Variants in ARPC4 observed in about 807,000 individuals in gnomAD.
ARPC4 encodes the protein actin-related protein 2/3 complex subunit 4.
ARPC4 carries 3 observed loss-of-function variants against 22.8 expected under a neutral mutation model. The observed-to-expected ratio is 0.13, with a 90% CI of 0.06 to 0.34. The LOEUF (loss-of-function observed/expected upper bound fraction) is 0.34. ARPC4 is among the 10% of genes least tolerant of loss of function. ARPC4 has a pLI of 1.00. For synonymous variants in ARPC4, 80 were observed against 72.5 expected, an observed-to-expected ratio of 1.10 and a Z score of -0.52; for missense variants, 98 against 211.0, an observed-to-expected ratio of 0.46 and a Z score of 3.32.
At chr3:9,793,948 A>C (rs1249596877) in intron 1 of ARPC4, among the ~76,000 whole-genome samples, 1 of 152,080 alleles carries the variant, frequency 6.6e-6, no homozygotes, top group Non-Finnish European at 1.5e-5. Flanking sequence ...TCTTGAAGAG[A>C]CCTTGAAATT....
chr3:9,800,038 A>T, intron 2 of ARPC4, 147 bp from the exon 3 acceptor site: 1 of 764,708 alleles, frequency 1.3e-6, no homozygotes, highest in Non-Finnish European at 2.2e-6. Context: ...GAACACACTC[A>T]CTGGCCCCCA....
intron 5 of ARPC4, among the ~76,000 whole-genome samples, chr3:9,804,453 T>G (rs1319858624): frequency 1.3e-5 from 2 of 152,216 alleles, no homozygotes; most frequent in African/African-American, 2.4e-5. Flanking sequence ...AAATCATGAT[T>G]CCTTCAACCT....
chr3:9,801,962 C>T (rs527451752), intron 4 of ARPC4, among the ~76,000 whole-genome samples: 4 of 152,144 alleles, frequency 2.6e-5, no homozygotes, highest in East Asian at 1.9e-4. Flanking sequence ...AAAAAAGAGC[C>T]GGGCGTGGTG....
intron 1 of ARPC4, among the ~76,000 whole-genome samples, chr3:9,794,727 A>G (rs1222558394): frequency 3.3e-5 from 5 of 152,016 alleles, no homozygotes; most frequent in Admixed American, 6.5e-5. Flanking sequence ...CAACCAAAAT[A>G]CAGAACATTT....
chr3:9,792,632 C>T, upstream of ARPC4: 3 of 1,231,368 alleles, frequency 2.4e-6, no homozygotes, highest in Non-Finnish European at 3.0e-6. Flanking sequence ...GGGCACAGCC[C>T]GGGGCGGGAG....
At chr3:9,801,214 A>G (rs1385604589) in intron 3 of ARPC4, among the ~76,000 whole-genome samples, 326 of 131,236 alleles carry the variant, frequency 2.5e-3, no homozygotes, top group African/African-American at 0.011. Flanking sequence ...CCATCTCAGA[A>G]AAAAAAAAAA....
intron 1 of ARPC4, among the ~76,000 whole-genome samples, chr3:9,793,626 C>T (rs572650283): frequency 5.2e-4 from 79 of 152,326 alleles, no homozygotes; most frequent in African/African-American, 1.8e-3. Flanking sequence ...GAGGATCTCT[C>T]GTGTTGCTTC....
intron 4 of ARPC4, among the ~76,000 whole-genome samples, chr3:9,802,603 C>T (rs531664668): frequency 6.6e-6 from 1 of 151,694 alleles, no homozygotes; most frequent in South Asian, 2.1e-4. Context: ...TCTCGATCTC[C>T]TGACCTCGTG....
intron 1 of ARPC4, among the ~76,000 whole-genome samples, chr3:9,794,766 C>T (rs929118698): frequency 3.3e-5 from 5 of 152,122 alleles, no homozygotes; most frequent in Non-Finnish European, 7.4e-5. Context: ...CCCTCAAGCC[C>T]TTTTGTAATC....
At chr3:9,801,231 A>AAAAAAAAAC (rs2079003797) in intron 3 of ARPC4, among the ~76,000 whole-genome samples, 1 of 148,372 alleles carries the variant, frequency 6.7e-6, no homozygotes, top group African/African-American at 2.6e-5. Flanking sequence ...AAAAAAAAAA[A>AAAAAAAAAC]AAAAAAGAAA....
chr3:9,797,394 G>C (rs1023112195), intron 1 of ARPC4, among the ~76,000 whole-genome samples: 3 of 152,088 alleles, frequency 2.0e-5, no homozygotes, highest in Non-Finnish European at 4.4e-5. Flanking sequence ...GCATTCCTCT[G>C]GTCTGACCCC....
In ARPC4 at chr3:9,804,475, C is replaced by T. The variant is rs180823156; in HGVS notation, c.501+462C>T. Among the ~76,000 whole-genome samples the T allele has an allele frequency of 2.6e-5, 4 of 151,936 alleles. No individual in the cohort carries two copies. The East Asian group carries it at 7.7e-4, about 29-fold the overall frequency. Reference sequence around the variant, plus strand: ...GATTCCTTCAACCTGTTTTCCATCACTTGCATGGCGTAAGTCCTCCAGATT... The same window carrying T: ...GATTCCTTCAACCTGTTTTCCATCATTTGCATGGCGTAAGTCCTCCAGATT... On this transcript the variant is annotated intron_variant, in intron 5 of 5. Coordinates refer to ENST00000397261, the MANE Select transcript of ARPC4 (RefSeq NM_005718.5).
intron 4 of ARPC4, among the ~76,000 whole-genome samples, chr3:9,802,327 T>C (rs1272276572): frequency 2.0e-5 from 3 of 150,576 alleles, no homozygotes; most frequent in Non-Finnish European, 4.4e-5. Flanking sequence ...AAGAGCACAG[T>C]GAATTAGAAA....
At chr3:9,797,438 A>G (rs1252901363) in intron 1 of ARPC4, among the ~76,000 whole-genome samples, 2 of 152,212 alleles carry the variant, frequency 1.3e-5, no homozygotes, top group African/African-American at 2.4e-5. Context: ...ATGTCTCGAC[A>G]TTACCAAATG....
chr3:9,792,628 A>G (rs952414012), upstream of ARPC4: 71 of 1,230,770 alleles, frequency 5.8e-5, 1 homozygote, highest in Middle Eastern at 1.2e-3. Flanking sequence ...CCCGGGGCAC[A>G]GCCCGGGGCG....
At chr3:9,797,972 C>G in intron 2 of ARPC4, 195 bp downstream of exon 2, 1 of 595,054 alleles carries the variant, frequency 1.7e-6, no homozygotes, top group Non-Finnish European at 2.9e-6. Flanking sequence ...GGACAGAACC[C>G]AGGGGAAAAG....
upstream of ARPC4, chr3:9,792,759 T>TC: frequency 8.0e-7 from 1 of 1,245,532 alleles, no homozygotes; most frequent in Non-Finnish European, 1.0e-6. Flanking sequence ...AACGAAGGGC[T>TC]CGTCCGCTTC....
upstream of ARPC4, chr3:9,792,570 G>A (rs1009762332): frequency 2.8e-5 from 34 of 1,228,810 alleles, no homozygotes; most frequent in Middle Eastern, 3.1e-4. Flanking sequence ...GGTGGGCCTC[G>A]AGCAAAGCCG....
chr3:9,806,332 A>G lies in ARPC4; in HGVS notation c.*117A>G, dbSNP rs1032723909. On this transcript the variant is annotated 3_prime_UTR_variant, in exon 6 of 6. Transcript: ENST00000397261. ...GGCAGGGAGTTGGGTTGGGGTGGGC[A>G]TTTGATGCGGGAGGTGGGTGGTGTG... 6 of 1,198,194 alleles carry G rather than the reference A, an allele frequency of 5.0e-6. No homozygotes were observed. The African/African-American group carries it at 9.0e-5, about 18-fold the overall frequency. The allele number at this position is 1,198,194 out of a possible 1,614,324, so 74.2% of individuals were successfully genotyped here.
Sources: allele counts gnomAD v4.1 joint callset (sites outside exome capture counted in the v4.1 genomes callset), GRCh38; gene constraint gnomAD v4.1.1; transcripts MANE v1.5; gene names NCBI Gene and HGNC (gene_info 2026-07-23, HGNC 2026-07-21).